NRG2: variants seen among roughly 807,000 people sequenced by gnomAD.
NRG2 encodes the protein neuregulin 2.
Under a neutral mutation model 73.9 loss-of-function variants are expected in NRG2, and 27 were observed. The ratio of observed to expected loss-of-function variants is 0.37; its 90% CI spans 0.27 to 0.50. The LOEUF (loss-of-function observed/expected upper bound fraction) is 0.50. Among genes scored for constraint, NRG2 ranks in the 20% least tolerant of loss-of-function variants. The probability of loss-of-function intolerance (pLI) is 0.96; values close to 1 mark genes in which losing one functional copy is unlikely to be tolerated. For synonymous variants in NRG2, 532 were observed against 541.0 expected, an observed-to-expected ratio of 0.98 and a Z score of 0.23; for missense variants, 1,126 against 1,210.1, an observed-to-expected ratio of 0.93 and a Z score of 1.03.
At position 139,894,403 on chromosome 5, in the gene NRG2, A is replaced by C. The variant is rs1764426419; in HGVS notation, c.701-6892T>G. Among the ~76,000 whole-genome samples, 1 of 151,772 alleles carries C rather than the reference A, an allele frequency of 6.6e-6. No individual in the cohort carries two copies. Among genetic ancestry groups the C allele is most frequent in the African/African-American group, 2.4e-5 (1 of 41,324 alleles). On this transcript the variant is annotated intron_variant, in intron 1 of 9. Coordinates refer to ENST00000361474, the MANE Select transcript of NRG2 (RefSeq NM_004883.3). The surrounding 1 kb of genome is among the most constrained non-coding windows in gnomAD (Gnocchi z 5.0). Reference sequence around the variant, plus strand: ...CTTCCCACCCCTGTCCCACCCACAAAGTGACTGCAACCTATTGGAGGTTAA... The same window carrying C: ...CTTCCCACCCCTGTCCCACCCACAACGTGACTGCAACCTATTGGAGGTTAA...
chr5:139,906,354 C>T (rs1416458867), intron 1 of NRG2, among the ~76,000 whole-genome samples: 1 of 152,044 alleles, frequency 6.6e-6, no homozygotes, highest in African/African-American at 2.4e-5. Context: ...CTCATTGTAA[C>T]CCATGGGTTA....
At chr5:140,042,338 C>T in intron 1 of NRG2, 32 bp downstream of exon 1, 1 of 1,469,860 alleles carries the variant, frequency 6.8e-7, no homozygotes, top group Non-Finnish European at 9.1e-7. Flanking sequence ...GCCCCTCCCC[C>T]CTTTCTCCAG....
chr5:140,028,275 G>A (rs868727093), intron 1 of NRG2, among the ~76,000 whole-genome samples: 10 of 152,228 alleles, frequency 6.6e-5, no homozygotes, highest in Admixed American at 2.0e-4. Context: ...GAGTATTTAG[G>A]AACTCTGTAC....
At chr5:139,979,004 C>T (rs556929453) in intron 1 of NRG2, among the ~76,000 whole-genome samples, 19 of 144,742 alleles carry the variant, frequency 1.3e-4, no homozygotes, top group South Asian at 8.6e-4. Flanking sequence ...CCAAACACCG[C>T]GTGTTCTCAC....
rs564825494 is a variant in NRG2 at position 139,848,575 on chromosome 5, G to A, written c.1895C>T (p.Pro632Leu). The A allele has an allele frequency of 1.2e-5, 18 of 1,555,232 alleles. No homozygotes were observed. In the South Asian group the frequency reaches 1.9e-4, roughly 16 times the overall value. The change falls in exon 10 of 10, where the codon CCG (proline) becomes CTG (leucine). Residue 632 changes from proline to leucine, a missense_variant. Transcript: ENST00000361474. The stretch of plus-strand genomic sequence containing the variant: ...GCGGTAACTGATGGGCGCCGCCGGC[G>A]GCAGCGACACGGCGTGCGCCGAGTT... ...SPNSAHAVSL[P>L]PAAPISYRLA... is the part of the protein sequence containing the mutation.
chr5:139,920,752 GACAAAACAAA>G (rs561547280), intron 1 of NRG2, among the ~76,000 whole-genome samples: 10 of 152,108 alleles, frequency 6.6e-5, no homozygotes, highest in East Asian at 1.9e-4. Context: ...GAATACTCCA[GACAAAACAAA>G]ACAAAACAAA....
At position 140,042,951 on chromosome 5, in the gene NRG2, C is replaced by T; in HGVS notation, c.119G>A (p.Ser40Asn). ...CCTGCTGCTGCTGCCGCTCTCGCTG[C>T]TGCTGCTGCTGCTGCTGCTGCTCCT... Reference protein sequence around the residue: ...SERSSSSSSSSSESGSSSRSS... With the variant: ...SERSSSSSSSNSESGSSSRSS... The change falls in exon 1 of 10, where the codon AGC becomes AAC. Residue 40 changes from serine to asparagine, a missense_variant. Coordinates refer to ENST00000361474, the MANE Select transcript of NRG2 (RefSeq NM_004883.3). 1 of 1,541,622 alleles carries T rather than the reference C, an allele frequency of 6.5e-7. No homozygotes were observed. The highest frequency in any genetic ancestry group is 8.7e-7 in the Non-Finnish European group (1 of 1,145,738).
chr5:139,865,320 T>G lies in NRG2; in HGVS notation c.1189+229A>C. 5.2e-6 allele frequency: 4 copies of G among 772,612 alleles called. No individual in the cohort carries two copies. Among genetic ancestry groups the G allele is most frequent in the Non-Finnish European group, 9.1e-6 (4 of 441,522 alleles). 47.9% of individuals were successfully genotyped at this position (772,612 alleles called of 1,614,324 possible). A position where few individuals can be genotyped will look rare whatever the true frequency, so the allele number is the denominator to read the frequency against. ...TGGCCTTGCCACTCTGCCCCTTACC[T>G]GCAGCCCTGAACTTTAAACCCAAGG... is the stretch of plus-strand genomic sequence containing the variant. On this transcript the variant is annotated intron_variant, in intron 5 of 9. Transcript: ENST00000361474. The surrounding 1 kb of genome is among the most constrained non-coding windows in gnomAD (Gnocchi z 5.2).
intron 1 of NRG2, among the ~76,000 whole-genome samples, chr5:139,890,473 C>CTTTT (rs11288649): frequency 4.7e-5 from 5 of 106,022 alleles, no homozygotes; most frequent in Non-Finnish European, 9.9e-5. Context: ...TTCTTTCTTT[C>CTTTT]TTTTTTTTTT....
At chr5:139,863,593 C>A (rs764149801) in intron 5 of NRG2, among the ~76,000 whole-genome samples, 5 of 152,240 alleles carry the variant, frequency 3.3e-5, no homozygotes, top group Non-Finnish European at 5.9e-5. Context: ...GACAGTCTCA[C>A]AAGCCCGGGA....
At chr5:140,016,689 C>T (rs1228353572) in intron 1 of NRG2, among the ~76,000 whole-genome samples, 5 of 152,174 alleles carry the variant, frequency 3.3e-5, no homozygotes, top group African/African-American at 9.7e-5. Context: ...TCTATGGCTT[C>T]GTCTGGGATT....
rs1232795827 is a variant in NRG2 at position 139,853,973 on chromosome 5, G to A, written c.1293-946C>T. On this transcript the variant is annotated intron_variant, in intron 6 of 9. Coordinates refer to ENST00000361474, the MANE Select transcript of NRG2 (RefSeq NM_004883.3). This position sits in a 1 kb window ranked among gnomAD's most constrained non-coding sequence, Gnocchi z 4.1. ...CCATCAGTTTGCTCAAGGTCACAAAGGATAAATGCCTGGGGGGATGAATAG... is the reference window on the plus strand; with the variant it reads ...CCATCAGTTTGCTCAAGGTCACAAAAGATAAATGCCTGGGGGGATGAATAG... Among the ~76,000 whole-genome samples the A allele has an allele frequency of 6.6e-6, 1 of 152,162 alleles. No individual in the cohort carries two copies. The highest frequency in any genetic ancestry group is 1.5e-5 in the Non-Finnish European group (1 of 68,026).
At chr5:139,990,829 A>T (rs1757566307) in intron 1 of NRG2, among the ~76,000 whole-genome samples, 1 of 152,148 alleles carries the variant, frequency 6.6e-6, no homozygotes, top group South Asian at 2.1e-4. Flanking sequence ...CCCATTTTTT[A>T]AAAACTGGGT....
chr5:139,863,099 C>T (rs1561633879), intron 5 of NRG2, among the ~76,000 whole-genome samples: 4 of 152,164 alleles, frequency 2.6e-5, no homozygotes, highest in Admixed American at 1.3e-4. Flanking sequence ...TCTGCTAAGC[C>T]CTTCTTATGC....
At chr5:139,924,875 G>A (rs1029536099) in intron 1 of NRG2, among the ~76,000 whole-genome samples, 1 of 152,174 alleles carries the variant, frequency 6.6e-6, no homozygotes, top group African/African-American at 2.4e-5. Context: ...TCTGAGGAAC[G>A]CAAAGGCATT....
At chr5:140,022,602 A>C (rs561359845) in intron 1 of NRG2, among the ~76,000 whole-genome samples, 1 of 152,292 alleles carries the variant, frequency 6.6e-6, no homozygotes, top group South Asian at 2.1e-4. Flanking sequence ...CTGGGTTCAG[A>C]ATCCTGGCTC....
At chr5:139,937,413 T>C (rs1009481878) in intron 1 of NRG2, among the ~76,000 whole-genome samples, 8 of 152,150 alleles carry the variant, frequency 5.3e-5, no homozygotes, top group African/African-American at 1.7e-4. Flanking sequence ...GGAATAAGGC[T>C]AGGAATCAAT....
At chr5:139,885,723 G>T (rs976903965) in intron 2 of NRG2, among the ~76,000 whole-genome samples, 1 of 151,950 alleles carries the variant, frequency 6.6e-6, no homozygotes, top group Non-Finnish European at 1.5e-5. Flanking sequence ...TGTGTGTGGT[G>T]GGGGGGAATG....
At chr5:139,923,805 C>G (rs71581513) in intron 1 of NRG2, among the ~76,000 whole-genome samples, 1 of 151,970 alleles carries the variant, frequency 6.6e-6, no homozygotes, top group East Asian at 1.9e-4. Context: ...TTGGCCTGCT[C>G]GGGACTGTCA....
Sources: allele counts gnomAD v4.1 joint callset (sites outside exome capture counted in the v4.1 genomes callset), GRCh38; gene constraint gnomAD v4.1.1; non-coding constraint Gnocchi (gnomAD v3.1); transcripts MANE v1.5; gene names NCBI Gene and HGNC (gene_info 2026-07-23, HGNC 2026-07-21).